SLC27A4: variants seen among roughly 807,000 people sequenced by gnomAD.
SLC27A4 encodes the protein long-chain fatty acid transport protein 4.
Under a neutral mutation model 64.4 loss-of-function variants are expected in SLC27A4, and 33 were observed. The ratio of observed to expected loss-of-function variants is 0.51; its 90% CI spans 0.39 to 0.68. The LOEUF is 0.68. Among genes scored for constraint, SLC27A4 ranks in the 30% least tolerant of loss-of-function variants. The probability of loss-of-function intolerance (pLI) is 0.00; values close to 1 mark genes in which losing one functional copy is unlikely to be tolerated. For missense variants in SLC27A4, 824 were observed against 883.5 expected (o/e 0.93, Z 0.85); for synonymous variants, 377 against 370.0 (o/e 1.02, Z -0.22).
chr9:128,353,438 C>T lies in SLC27A4; in HGVS notation c.1221C>T (p.Ser407=). 2.5e-6 allele frequency: 4 copies of T among 1,614,178 alleles called. No individual in the cohort carries two copies. Among genetic ancestry groups the T allele is most frequent in the Non-Finnish European group, 3.4e-6 (4 of 1,180,040 alleles). ...DSQVGACGFN[S]RILSFVYPIR... ...AGGTGGGGGCCTGTGGTTTCAATAG[C>T]CGCATCCTGTCCTTCGTGTACCCCA... Residue 407 remains serine, a synonymous_variant, in exon 9 of 13, where the codon AGC becomes AGT. Transcript: ENST00000300456. This position sits in a 1 kb window ranked among gnomAD's most constrained non-coding sequence, Gnocchi z 4.9.
chr9:128,343,334 A>G (rs1265908238), intron 2 of SLC27A4, 41 bp downstream of exon 2: 5 of 1,611,684 alleles, frequency 3.1e-6, no homozygotes, highest in Non-Finnish European at 4.2e-6. Context: ...CTGCCACACT[A>G]CAGTGAGCTT....
chr9:128,355,705 C>T lies in SLC27A4; in HGVS notation c.1683C>T (p.Asp561=), dbSNP rs1181935242. Reference sequence around the variant, plus strand: ...TGGCCAGCCCCACTGGCAACTGTGACCTGGAGCGCTTTGCTCAGGTCTTGG... The same window carrying T: ...TGGCCAGCCCCACTGGCAACTGTGATCTGGAGCGCTTTGCTCAGGTCTTGG... ...AAVASPTGNC[D]LERFAQVLEK... Residue 561 remains aspartate (D), a synonymous_variant, in exon 12 of 13, where the codon GAC becomes GAT. Transcript: ENST00000300456. 6.2e-7 allele frequency: 1 copy of T among 1,613,298 alleles called. No homozygotes were observed. Among genetic ancestry groups the T allele is most frequent in the East Asian group, 2.2e-5 (1 of 44,882 alleles).
In SLC27A4 at chr9:128,360,629, A is replaced by C; in HGVS notation, c.*138A>C. On this transcript the variant is annotated 3_prime_UTR_variant, in exon 13 of 13. Coordinates refer to ENST00000300456, the MANE Select transcript of SLC27A4 (RefSeq NM_005094.4). ...CCTGAGGTGCTGCCCCTCCATCCAA[A>C]ACTGCCAAGTGACTCATTGCCTTCC... 1.2e-6 allele frequency: 1 copy of C among 843,110 alleles called. No individual in the cohort carries two copies. The highest frequency in any genetic ancestry group is 1.9e-6 in the Non-Finnish European group (1 of 532,946). 52.2% of individuals were successfully genotyped at this position (843,110 alleles called of 1,614,324 possible).
intron 1 of SLC27A4, among the ~76,000 whole-genome samples, chr9:128,341,506 G>T (rs1225940443): frequency 6.6e-6 from 1 of 152,156 alleles, no homozygotes; most frequent in Non-Finnish European, 1.5e-5. Context: ...GTGTCTTCAA[G>T]GTCCTCCTCG....
Position 128,344,496 on chromosome 9 carries a change from G to C in SLC27A4, c.162-659G>C, listed in dbSNP as rs146183766. Among the ~76,000 whole-genome samples the C allele has an allele frequency of 1.3e-4, 19 of 151,942 alleles. No individual in the cohort carries two copies. In the East Asian group the frequency reaches 3.5e-3, roughly 28 times the overall value. The stretch of plus-strand genomic sequence containing the variant: ...ATTGCATCACTGCACTCCAACCTGG[G>C]TGACAGAGTGTGACGCCATCTCAAA... On this transcript the variant is annotated intron_variant, in intron 2 of 12. Coordinates refer to ENST00000300456, the MANE Select transcript of SLC27A4 (RefSeq NM_005094.4).
At chr9:128,348,210 A>G (rs1208898296) in intron 3 of SLC27A4, among the ~76,000 whole-genome samples, 1 of 152,010 alleles carries the variant, frequency 6.6e-6, no homozygotes, top group Non-Finnish European at 1.5e-5. Flanking sequence ...TAGAGCTGGC[A>G]TTGCACGCCA....
chr9:128,354,029 C>T (rs1426658246), intron 9 of SLC27A4, among the ~76,000 whole-genome samples: 1 of 151,932 alleles, frequency 6.6e-6, no homozygotes, highest in East Asian at 1.9e-4. Flanking sequence ...AGGCGTGAGC[C>T]ACCGCGCCCG....
At chr9:128,358,708 A>C (rs373255198) in intron 12 of SLC27A4, among the ~76,000 whole-genome samples, 1 of 152,156 alleles carries the variant, frequency 6.6e-6, no homozygotes, top group Non-Finnish European at 1.5e-5. Context: ...TGGCCTCCCA[A>C]AGTGCCGGGA....
At position 128,360,825 on chromosome 9, in the gene SLC27A4, C is replaced by G. The variant is rs2131276520; in HGVS notation, c.*334C>G. ...CGAGCCCTTCCCAGAGAGCAGGGAG[C>G]TTATAAATGGAACCAGAGCAGAAGT... On this transcript the variant is annotated 3_prime_UTR_variant, in exon 13 of 13. Transcript: ENST00000300456. The G allele has an allele frequency of 5.5e-6, 2 of 363,598 alleles. No individual in the cohort carries two copies. The allele number at this position is 363,598 out of a possible 1,614,324, so 22.5% of individuals were successfully genotyped here.
At chr9:128,352,316 A>G (rs1484969678) in intron 6 of SLC27A4, among the ~76,000 whole-genome samples, 2 of 152,134 alleles carry the variant, frequency 1.3e-5, no homozygotes, top group Non-Finnish European at 2.9e-5. Context: ...TTCCACAGAT[A>G]TGCATGGCAT....
At chr9:128,343,372 A>G in intron 2 of SLC27A4, 79 bp downstream of exon 2, 1 of 1,549,038 alleles carries the variant, frequency 6.5e-7, no homozygotes, top group Non-Finnish European at 8.9e-7. Flanking sequence ...CCCAGGCCAG[A>G]CCTCATGTTC....
rs755497027 is a variant in SLC27A4 at position 128,345,248 on chromosome 9, G to T, written c.255G>T (p.Arg85=). ...TVPILFASTV[R]RHPDKTALIF... ...CCATTTTGTTTGCCTCTACCGTTCG[G>T]CGCCACCCCGACAAGACGGCCCTGA... Residue 85 remains arginine (R), a synonymous_variant, in exon 3 of 13, where the codon CGG becomes CGT. Coordinates refer to ENST00000300456, the MANE Select transcript of SLC27A4 (RefSeq NM_005094.4). This position sits in a 1 kb window ranked among gnomAD's most constrained non-coding sequence, Gnocchi z 4.1. The T allele has an allele frequency of 1.8e-5, 29 of 1,613,782 alleles. No individual in the cohort carries two copies. Among genetic ancestry groups the T allele is most frequent in the Non-Finnish European group, 2.5e-5 (29 of 1,180,036 alleles).
intron 1 of SLC27A4, among the ~76,000 whole-genome samples, chr9:128,341,234 G>A (rs1832567147): frequency 6.6e-6 from 1 of 152,282 alleles, no homozygotes; most frequent in Middle Eastern, 3.4e-3. Context: ...TTGTGGTCCA[G>A]ACCATTCCCT....
chr9:128,355,041 T>TCCCCAC lies in SLC27A4; in HGVS notation c.1325-8_1325-3dup. ...GCCTAGGGCAGATCTGACCCTGCCTTCCCCACCCCAGGTGAGCCGGGCCAG... is the reference window on the plus strand; with the variant it reads ...GCCTAGGGCAGATCTGACCCTGCCTTCCCCACCCCCACCCCAGGTGAGCCGGGCCAG... On this transcript the variant is annotated splice_polypyrimidine_tract_variant and intron_variant, in intron 9 of 12. Coordinates refer to ENST00000300456, the MANE Select transcript of SLC27A4 (RefSeq NM_005094.4). 6.2e-7 allele frequency: 1 copy of TCCCCAC among 1,603,762 alleles called. No individual in the cohort carries two copies. Among genetic ancestry groups the TCCCCAC allele is most frequent in the Non-Finnish European group, 8.5e-7 (1 of 1,174,970 alleles).
At chr9:128,354,195 C>T (rs1296052107) in intron 9 of SLC27A4, among the ~76,000 whole-genome samples, 6 of 152,138 alleles carry the variant, frequency 3.9e-5, no homozygotes, top group Non-Finnish European at 7.4e-5. Flanking sequence ...CCATCCACCT[C>T]GGCCTCCCAA....
In SLC27A4 at chr9:128,354,986, C is replaced by T. The variant is rs1554800651; in HGVS notation, c.1325-67C>T. On this transcript the variant is annotated intron_variant, in intron 9 of 12. Coordinates refer to ENST00000300456, the MANE Select transcript of SLC27A4 (RefSeq NM_005094.4). ...AAAAAAAAAAAAAAGACGCAGGGTACACCTGGTGACAGGACGGGTGGGAGA... is the reference window on the plus strand; with the variant it reads ...AAAAAAAAAAAAAAGACGCAGGGTATACCTGGTGACAGGACGGGTGGGAGA... 5.2e-5 allele frequency: 58 copies of T among 1,125,646 alleles called. 1 individual carries two copies. The South Asian group carries it at 7.1e-4, about 14-fold the overall frequency. The allele number at this position is 1,125,646 out of a possible 1,614,324, so 69.7% of individuals were successfully genotyped here.
In SLC27A4 at chr9:128,353,385, G is replaced by A. The variant is rs374185000; in HGVS notation, c.1198-30G>A. On this transcript the variant is annotated intron_variant, in intron 8 of 12. Transcript: ENST00000300456. This position sits in a 1 kb window ranked among gnomAD's most constrained non-coding sequence, Gnocchi z 4.9. The stretch of plus-strand genomic sequence containing the variant: ...GTCCAGTTTTGGGCCCATGGTGAGA[G>A]AGCCCAGGCCCAAGTCTTGGCCTTC... 278 of 1,614,060 alleles carry A rather than the reference G, an allele frequency of 1.7e-4. No individual in the cohort carries two copies. Among genetic ancestry groups the A allele is most frequent in the Non-Finnish European group, 2.2e-4 (260 of 1,180,038 alleles).
intron 9 of SLC27A4, among the ~76,000 whole-genome samples, chr9:128,354,774 C>T (rs1254882540): frequency 6.8e-6 from 1 of 146,972 alleles, no homozygotes; most frequent in Non-Finnish European, 1.5e-5. Flanking sequence ...AGGATGAAAC[C>T]CATCTTTACT....
At position 128,345,134 on chromosome 9, in the gene SLC27A4, CCCTCT is replaced by C. The variant is rs1832633841; in HGVS notation, c.162-19_162-15del. On this transcript the variant is annotated splice_polypyrimidine_tract_variant and intron_variant, in intron 2 of 12. Transcript: ENST00000300456. The surrounding 1 kb of genome is among the most constrained non-coding windows in gnomAD (Gnocchi z 4.1). The stretch of plus-strand genomic sequence containing the variant: ...CCTCCCAACCATGGCAGACACAGCG[CCCTCT>C]CTTGTTCACACACAGTGGCGGCCTG... The C allele has an allele frequency of 6.2e-7, 1 of 1,613,112 alleles. No homozygotes were observed. Among genetic ancestry groups the C allele is most frequent in the African/African-American group, 1.3e-5 (1 of 75,034 alleles).
Sources: gnomAD v4.1 joint callset for allele counts (sites outside exome capture counted in the v4.1 genomes callset) on GRCh38, gnomAD v4.1.1 for gene constraint, Gnocchi (gnomAD v3.1) non-coding constraint, MANE v1.5 for transcripts, NCBI Gene and HGNC (gene_info 2026-07-23, HGNC 2026-07-21) for gene names.